Variants in PRKCE observed in about 807,000 individuals in gnomAD.
The protein encoded by PRKCE is protein kinase C epsilon.
A neutral mutation model predicts 85.4 loss-of-function variants in PRKCE; 16 were observed. The ratio of observed to expected loss-of-function variants is 0.19; its 90% CI spans 0.13 to 0.28. The LOEUF (loss-of-function observed/expected upper bound fraction) is 0.28, where lower values mean the gene tolerates loss of function less well. Among genes scored for constraint, PRKCE ranks in the 10% least tolerant of loss-of-function variants. The pLI is 1.00. For synonymous variants in PRKCE, 388 were observed against 371.5 expected, an observed-to-expected ratio of 1.04 and a Z score of -0.51; for missense variants, 573 against 975.2, an observed-to-expected ratio of 0.59 and a Z score of 5.49.
intron 1 of PRKCE, among the ~76,000 whole-genome samples, chr2:45,677,465 T>C (rs1558546441): frequency 1.3e-5 from 2 of 151,326 alleles, no homozygotes; most frequent in Non-Finnish European, 2.9e-5. Context: ...CCCGCCATTC[T>C]CCTGCCTCAG....
At chr2:45,722,361 G>A (rs1680694416) in intron 1 of PRKCE, among the ~76,000 whole-genome samples, 1 of 152,102 alleles carries the variant, frequency 6.6e-6, no homozygotes, top group Admixed American at 6.5e-5. Context: ...CACATGTCAT[G>A]TAGCCTCTGG....
At chr2:46,113,192 C>G (rs1672436188) in intron 11 of PRKCE, among the ~76,000 whole-genome samples, 1 of 152,194 alleles carries the variant, frequency 6.6e-6, no homozygotes, top group Admixed American at 6.5e-5. Context: ...AATAATTACC[C>G]TAAATACATA....
At chr2:45,935,189 G>A (rs1699350362) in intron 2 of PRKCE, among the ~76,000 whole-genome samples, 1 of 152,180 alleles carries the variant, frequency 6.6e-6, no homozygotes, top group African/African-American at 2.4e-5. Context: ...TTATTGGCAA[G>A]TGAGTACATA....
intron 1 of PRKCE, among the ~76,000 whole-genome samples, chr2:45,673,270 T>C (rs1572901278): frequency 6.6e-6 from 1 of 152,176 alleles, no homozygotes; most frequent in Non-Finnish European, 1.5e-5. Flanking sequence ...CCAAACAATA[T>C]AAGAAGTGAA....
chr2:45,736,735 C>G (rs1037469264), intron 1 of PRKCE, among the ~76,000 whole-genome samples: 1 of 152,194 alleles, frequency 6.6e-6, no homozygotes, highest in Non-Finnish European at 1.5e-5. Flanking sequence ...CCTGCATGTG[C>G]GCCTTCCTTG....
chr2:46,100,794 A>G (rs981774905), intron 11 of PRKCE, among the ~76,000 whole-genome samples: 3 of 152,214 alleles, frequency 2.0e-5, no homozygotes, highest in Non-Finnish European at 4.4e-5. Context: ...ATGCCATGAC[A>G]AGGAAGAAGA....
chr2:45,848,086 AG>A (rs1691942293), intron 2 of PRKCE, among the ~76,000 whole-genome samples: 1 of 152,192 alleles, frequency 6.6e-6, no homozygotes. Context: ...CAGTACCTCC[AG>A]GGCTGAAATC....
At position 46,173,380 on chromosome 2, in the gene PRKCE, A is replaced by G. The variant is rs537496606; in HGVS notation, c.2068-11355A>G. ...TACTACCTGGCCTTTCACAGAAAAA[A>G]ATGGCAACCCTTGCTCCAGGGGTGG... On this transcript the variant is annotated intron_variant, in intron 14 of 14. Coordinates refer to ENST00000306156, the MANE Select transcript of PRKCE (RefSeq NM_005400.3). 4.6e-5 allele frequency among the ~76,000 whole-genome samples: 7 copies of G among 152,336 alleles called. 1 individual carries two copies. In the South Asian group the frequency reaches 1.4e-3, roughly 32 times the overall value.
At chr2:45,909,640 T>A (rs1206118535) in intron 2 of PRKCE, among the ~76,000 whole-genome samples, 1 of 152,226 alleles carries the variant, frequency 6.6e-6, no homozygotes, top group Admixed American at 6.5e-5. Flanking sequence ...GTGTTCTAAA[T>A]TATTCTTCCT....
rs1705312921 is a variant in PRKCE, at chr2:46,007,557, A to T, written c.1159A>T (p.Met387Leu). The change falls in exon 9 of 15, where the codon ATG becomes TTG. Residue 387 changes from methionine to leucine, a missense_variant. This residue lies in a region of PRKCE where 117 missense variants were observed against 104.8 expected (regional missense o/e 1.12). Transcript: ENST00000306156. The part of the protein sequence containing the change: ...RAASSPDGQL[M>L]SPGENGEVRQ... ...AGCATCGTCTCCTGATGGCCAGCTG[A>T]TGAGCCCCGGTGAGAATGGCGAAGT... 6.3e-7 allele frequency: 1 copy of T among 1,599,792 alleles called. No individual in the cohort carries two copies. The highest frequency in any genetic ancestry group is 8.5e-7 in the Non-Finnish European group (1 of 1,179,958).
At chr2:46,136,806 G>A (rs1347541670) in intron 11 of PRKCE, among the ~76,000 whole-genome samples, 5 of 152,082 alleles carry the variant, frequency 3.3e-5, no homozygotes, top group African/African-American at 9.7e-5. Flanking sequence ...CCCCAGTCCC[G>A]GGGAAAGGAA....
chr2:45,920,721 G>A (rs1698187621), intron 2 of PRKCE, among the ~76,000 whole-genome samples: 1 of 152,158 alleles, frequency 6.6e-6, no homozygotes, highest in African/African-American at 2.4e-5. Flanking sequence ...GTTGCACAGG[G>A]CTGGGGGTGG....
In PRKCE at chr2:45,747,802, C is replaced by A. The variant is rs943459109; in HGVS notation, c.349-95198C>A. 2.0e-5 allele frequency among the ~76,000 whole-genome samples: 3 copies of A among 152,284 alleles called. No individual in the cohort carries two copies. In the East Asian group the frequency reaches 5.8e-4, roughly 29 times the overall value. On this transcript the variant is annotated intron_variant, in intron 1 of 14. Transcript: ENST00000306156. ...CTTACTGTTTTTCATAGCAGCTGCA[C>A]CATTTTACATTCCCACTGACAATGC... is the stretch of plus-strand genomic sequence containing the variant.
intron 1 of PRKCE, among the ~76,000 whole-genome samples, chr2:45,759,411 G>T (rs977037809): frequency 1.3e-5 from 2 of 152,192 alleles, no homozygotes; most frequent in Non-Finnish European, 2.9e-5. Flanking sequence ...ATCCATGTCG[G>T]TGCAGGGCTG....
At chr2:45,843,866 T>A (rs1396907012) in intron 2 of PRKCE, among the ~76,000 whole-genome samples, 1 of 152,212 alleles carries the variant, frequency 6.6e-6, no homozygotes. Flanking sequence ...ACAGTTGGCT[T>A]TAATGCCATG....
At chr2:45,967,304 A>C (rs148694283) in intron 2 of PRKCE, among the ~76,000 whole-genome samples, 8 of 152,306 alleles carry the variant, frequency 5.3e-5, no homozygotes, top group Middle Eastern at 3.4e-3. Flanking sequence ...AACAATCACC[A>C]TCTGAACCCA....
intron 10 of PRKCE, among the ~76,000 whole-genome samples, chr2:46,017,365 A>G (rs1400522818): frequency 6.6e-6 from 1 of 152,242 alleles, no homozygotes; most frequent in African/African-American, 2.4e-5. Flanking sequence ...AGGTTCATCC[A>G]TGATGTAACG....
intron 11 of PRKCE, among the ~76,000 whole-genome samples, chr2:46,121,084 A>G (rs1673271407): frequency 6.6e-6 from 1 of 152,212 alleles, no homozygotes; most frequent in Admixed American, 6.5e-5. Context: ...TCCCAAAGTA[A>G]AACCCTTTCT....
chr2:46,061,053 C>G (rs993073871), intron 10 of PRKCE, among the ~76,000 whole-genome samples: 1 of 150,458 alleles, frequency 6.6e-6, no homozygotes, highest in African/African-American at 2.5e-5. Flanking sequence ...TGAGCAACTG[C>G]GTCCGGCCAG....
Sources: gnomAD v4.1 joint callset for allele counts (sites outside exome capture counted in the v4.1 genomes callset) on GRCh38, gnomAD v4.1.1 for gene constraint, gnomAD v4.1.1 regional missense constraint, MANE v1.5 for transcripts, NCBI Gene and HGNC (gene_info 2026-07-23, HGNC 2026-07-21) for gene names.